Variants in NAALADL2 observed in about 807,000 individuals in gnomAD.
The protein encoded by NAALADL2 is N-acetylated alpha-linked acidic dipeptidase like 2.
A neutral mutation model predicts 87.2 loss-of-function variants in NAALADL2; 76 were observed. The observed-to-expected ratio is 0.87, with a 90% confidence interval of 0.72 to 1.05. The LOEUF is 1.05. Among genes scored for constraint, NAALADL2 ranks in the 50% least tolerant of loss-of-function variants. NAALADL2 has a pLI of 0.00. For synonymous variants in NAALADL2, 354 were observed against 331.0 expected, an observed-to-expected ratio of 1.07 and a Z score of -0.75; for missense variants, 1,089 against 945.8, an observed-to-expected ratio of 1.15 and a Z score of -1.99.
At chr3:174,769,412 A>G (rs1046542486) in intron 3 of NAALADL2, among the ~76,000 whole-genome samples, 31 of 152,042 alleles carry the variant, frequency 2.0e-4, no homozygotes, top group African/African-American at 7.2e-4. Flanking sequence ...GAGGTGAGGA[A>G]TTCAGTTACA....
upstream of NAALADL2, chr3:174,859,269 C>A: frequency 1.5e-6 from 1 of 648,720 alleles, no homozygotes; most frequent in South Asian, 2.0e-5. Context: ...ACTCAGGAAG[C>A]AGAATGGTAA....
intron 5 of NAALADL2, among the ~76,000 whole-genome samples, chr3:175,417,246 A>G (rs918624792): frequency 2.0e-5 from 3 of 151,832 alleles, no homozygotes; most frequent in Non-Finnish European, 4.4e-5. Flanking sequence ...ATCTACTCTA[A>G]TTAATTACTC....
intron 5 of NAALADL2, among the ~76,000 whole-genome samples, chr3:175,438,828 T>C (rs1225734432): frequency 6.6e-6 from 1 of 151,458 alleles, no homozygotes; most frequent in African/African-American, 2.5e-5. Context: ...ACCATCTGAT[T>C]ATTCATTTAT....
At chr3:174,748,766 G>A (rs1001821310) in intron 3 of NAALADL2, among the ~76,000 whole-genome samples, 1 of 152,082 alleles carries the variant, frequency 6.6e-6, no homozygotes, top group Non-Finnish European at 1.5e-5. Context: ...TTGATATAGT[G>A]CAAAAAGCAT....
At chr3:174,497,079 C>A (rs1029833042) in intron 1 of NAALADL2, among the ~76,000 whole-genome samples, 1 of 152,072 alleles carries the variant, frequency 6.6e-6, no homozygotes, top group African/African-American at 2.4e-5. Context: ...TAGCATTTGC[C>A]CATCAGTTAT....
At chr3:175,003,044 A>G (rs192197772) in intron 1 of NAALADL2, among the ~76,000 whole-genome samples, 169 of 152,326 alleles carry the variant, frequency 1.1e-3, no homozygotes, top group Non-Finnish European at 1.2e-3. Flanking sequence ...TGTATTAGTC[A>G]CCAGTGCTCA....
chr3:175,579,199 TTATCTATC>T (rs67378801), intron 10 of NAALADL2, among the ~76,000 whole-genome samples: 24 of 150,214 alleles, frequency 1.6e-4, no homozygotes, highest in East Asian at 1.4e-3. Context: ...AGAATTACTA[TTATCTATC>T]TATCTATCTA....
rs10936816 is a variant in NAALADL2 at position 174,796,752 on chromosome 3, T to C, written c.-9+59006T>C. On this transcript the variant is annotated intron_variant, in intron 3 of 3. Coordinates refer to the NAALADL2 transcript ENST00000434257. ...CATTTTTGTCGTTTGAGCATTTTTG[T>C]ATATTTTTGTTGGCCATTTGTATGT... Among the ~76,000 whole-genome samples the C allele has an allele frequency of 3.4e-3, 186 of 55,506 alleles. 9 individuals carry two copies. The East Asian group carries it at 0.052, about 16-fold the overall frequency. 36.4% of individuals were successfully genotyped at this position (55,506 alleles called of 152,430 possible). A position where few individuals can be genotyped will look rare whatever the true frequency, so the allele number is the denominator to read the frequency against.
At chr3:174,763,593 A>AAAAAAAAAAAAAAAAAAAAAAAAAAC in intron 3 of NAALADL2, among the ~76,000 whole-genome samples, 1 of 148,870 alleles carries the variant, frequency 6.7e-6, no homozygotes. Flanking sequence ...TCTCAAAAAA[A>AAAAAAAAAAAAAAAAAAAAAAAAAAC]AAAAAAAAGA....
chr3:174,700,875 C>G (rs1365834083), intron 2 of NAALADL2, among the ~76,000 whole-genome samples: 1 of 152,096 alleles, frequency 6.6e-6, no homozygotes, highest in East Asian at 1.9e-4. Flanking sequence ...ATGCTGACCT[C>G]AGGGAGAGGG....
At chr3:174,538,154 A>C (rs1721898022) in intron 1 of NAALADL2, among the ~76,000 whole-genome samples, 1 of 152,158 alleles carries the variant, frequency 6.6e-6, no homozygotes, top group Non-Finnish European at 1.5e-5. Context: ...AGTTGTCACA[A>C]ATGGCAAAAT....
At chr3:174,850,141 G>T (rs989232021) in intron 3 of NAALADL2, among the ~76,000 whole-genome samples, 6 of 152,054 alleles carry the variant, frequency 3.9e-5, no homozygotes, top group Non-Finnish European at 7.4e-5. Flanking sequence ...TCTCCCTCAT[G>T]TTCGAAGGAT....
At chr3:175,270,450 C>T (rs371393750) in intron 4 of NAALADL2, among the ~76,000 whole-genome samples, 1 of 152,138 alleles carries the variant, frequency 6.6e-6, no homozygotes, top group Non-Finnish European at 1.5e-5. Context: ...TACTGACAGC[C>T]AGGGAGACAT....
At chr3:175,692,093 T>C (rs1737125956) in intron 11 of NAALADL2, among the ~76,000 whole-genome samples, 1 of 152,120 alleles carries the variant, frequency 6.6e-6, no homozygotes. Context: ...ATTTTATTAA[T>C]TTCCAGAATT....
intron 1 of NAALADL2, among the ~76,000 whole-genome samples, chr3:175,017,889 T>G (rs1352907320): frequency 6.6e-6 from 1 of 152,076 alleles, no homozygotes; most frequent in African/African-American, 2.4e-5. Context: ...TTTGCATTTT[T>G]TAAGTATCAT....
chr3:175,086,546 A>T (rs909430613), intron 1 of NAALADL2, among the ~76,000 whole-genome samples: 1 of 152,194 alleles, frequency 6.6e-6, no homozygotes. Flanking sequence ...GACTTTTCAA[A>T]GATGTCAATT....
chr3:175,121,434 G>A (rs1227161509), intron 2 of NAALADL2, among the ~76,000 whole-genome samples: 2 of 151,850 alleles, frequency 1.3e-5, no homozygotes, highest in Non-Finnish European at 2.9e-5. Context: ...AGGGTGAAGA[G>A]CAGAAACTCA....
At chr3:174,461,824 C>T (rs1243915381) in intron 1 of NAALADL2, among the ~76,000 whole-genome samples, 2 of 151,914 alleles carry the variant, frequency 1.3e-5, no homozygotes, top group Admixed American at 6.6e-5. Flanking sequence ...TTATTCCCTC[C>T]CACACTGTGT....
At chr3:175,354,854 C>T (rs1764164887) in intron 5 of NAALADL2, among the ~76,000 whole-genome samples, 1 of 146,412 alleles carries the variant, frequency 6.8e-6, no homozygotes, top group East Asian at 2.0e-4. Context: ...ACTTATAGGG[C>T]ACTATACATA....
Sources: allele counts gnomAD v4.1 joint callset (sites outside exome capture counted in the v4.1 genomes callset), GRCh38; gene constraint gnomAD v4.1.1; transcripts MANE v1.5; gene names NCBI Gene and HGNC (gene_info 2026-07-23, HGNC 2026-07-21).